The following CIT variants were observed in gnomAD, a reference collection of about 807,000 sequenced individuals.
The protein encoded by CIT is citron rho-interacting serine/threonine kinase.
A neutral mutation model predicts 272.7 loss-of-function variants in CIT; 79 were observed. That is an observed-to-expected ratio of 0.29 (90% CI 0.24 to 0.35). The LOEUF (loss-of-function observed/expected upper bound fraction) is 0.35. Among genes scored for constraint, CIT ranks in the 10% least tolerant of loss-of-function variants. The probability of loss-of-function intolerance (pLI) is 1.00; values close to 1 mark genes in which losing one functional copy is unlikely to be tolerated. For missense variants in CIT, 1,909 were observed against 2,618.3 expected (o/e 0.73, Z 5.91); for synonymous variants, 948 against 995.6 (o/e 0.95, Z 0.90).
chr12:119,707,881 A>G (rs891327622), intron 40 of CIT, among the ~76,000 whole-genome samples: 1 of 152,248 alleles, frequency 6.6e-6, no homozygotes, highest in Non-Finnish European at 1.5e-5. Context: ...GACAAGCGTC[A>G]GTCTTGTTAT....
intron 5 of CIT, among the ~76,000 whole-genome samples, chr12:119,840,429 TA>T (rs1969332378): frequency 6.6e-6 from 1 of 152,114 alleles, no homozygotes; most frequent in Non-Finnish European, 1.5e-5. Flanking sequence ...TTGTGGCTCC[TA>T]AAATGGTAGA....
In CIT at chr12:119,688,206, G is replaced by A. The variant is rs1195596820; in HGVS notation, c.*26C>T. ...TTGGTGTTTTCCTGCAGATCAAGAT[G>A]AGGAGTTGGTTTTTCTGGCTGAGAT... On this transcript the variant is annotated 3_prime_UTR_variant, in exon 48 of 48. Coordinates refer to ENST00000392521, the MANE Select transcript of CIT (RefSeq NM_001206999.2). The A allele has an allele frequency of 6.2e-7, 1 of 1,609,070 alleles. No homozygotes were observed. Among genetic ancestry groups the A allele is most frequent in the Non-Finnish European group, 8.5e-7 (1 of 1,175,440 alleles).
chr12:119,776,645 G>C (rs756122011), intron 14 of CIT, 27 bp downstream of exon 14: 3 of 1,582,328 alleles, frequency 1.9e-6, no homozygotes, highest in South Asian at 1.1e-5. Context: ...TACCCAAAAA[G>C]CACCCTCCTG....
At chr12:119,748,454 G>T (rs928450096) in intron 23 of CIT, among the ~76,000 whole-genome samples, 8 of 150,430 alleles carry the variant, frequency 5.3e-5, no homozygotes, top group Admixed American at 4.0e-4. Flanking sequence ...CCACCTTCTG[G>T]GATCCATGGT....
In CIT at chr12:119,697,912, G is replaced by T. The variant is rs278126; in HGVS notation, c.5702+64C>A. 445,685 of 1,612,242 alleles carry T rather than the reference G, an allele frequency of 0.28. 64,707 individuals carry two copies. The highest frequency in any genetic ancestry group is 0.32 in the Middle Eastern group (1,936 of 6,054). ...TGCTAGGCAAGTTAGGAAGGAACAT[G>T]CGGCCGGCCCCAACACCTACCCCAA... On this transcript the variant is annotated intron_variant, in intron 45 of 47. Transcript: ENST00000392521. The surrounding 1 kb of genome is among the most constrained non-coding windows in gnomAD (Gnocchi z 4.9).
chr12:119,823,037 T>C, intron 8 of CIT, 64 bp from the exon 9 acceptor site: 1 of 1,490,214 alleles, frequency 6.7e-7, no homozygotes, highest in Admixed American at 2.2e-5. Flanking sequence ...TGCTGCAAAG[T>C]GAAGAAAGTA....
chr12:119,829,346 G>GAAGAGAA (rs954505908), intron 7 of CIT, among the ~76,000 whole-genome samples: 2 of 44,128 alleles, frequency 4.5e-5, no homozygotes, highest in Non-Finnish European at 1.2e-4. Context: ...TGAAAGAAAA[G>GAAGAGAA]AAGAGAAGAG....
chr12:119,726,683 A>C (rs1389963433), intron 28 of CIT, among the ~76,000 whole-genome samples: 1 of 152,136 alleles, frequency 6.6e-6, no homozygotes, highest in Non-Finnish European at 1.5e-5. Context: ...AGGCTCACTA[A>C]GGGTTAAACA....
intron 5 of CIT, among the ~76,000 whole-genome samples, chr12:119,835,263 A>G (rs1261694733): frequency 6.6e-6 from 1 of 152,190 alleles, no homozygotes; most frequent in Non-Finnish European, 1.5e-5. Context: ...GCTGCCTTTC[A>G]GTTTCATCCT....
At position 119,704,101 on chromosome 12, in the gene CIT, G is replaced by A. The variant is rs76579904; in HGVS notation, c.5304+262C>T. On this transcript the variant is annotated intron_variant, in intron 41 of 47. Coordinates refer to ENST00000392521, the MANE Select transcript of CIT (RefSeq NM_001206999.2). ...CAACTTTCTGTTCTAACAAAAGGCT[G>A]AACTCACTGGGCTGGATGGGGAGGC... 0.013 allele frequency among the ~76,000 whole-genome samples: 1,991 copies of A among 152,120 alleles called. 46 individuals carry two copies. Among genetic ancestry groups the A allele is most frequent in the African/African-American group, 0.046 (1,911 of 41,480 alleles).
intron 2 of CIT, among the ~76,000 whole-genome samples, chr12:119,875,523 C>A (rs1054620010): frequency 3.3e-5 from 5 of 152,036 alleles, no homozygotes; most frequent in Non-Finnish European, 7.4e-5. Context: ...GCAAGAGGCT[C>A]ACTTGAAGTC....
chr12:119,706,041 G>A (rs1183284131), intron 40 of CIT, among the ~76,000 whole-genome samples: 2 of 149,314 alleles, frequency 1.3e-5, no homozygotes, highest in Admixed American at 1.3e-4. Context: ...AGTGAGCCAA[G>A]ATCGTGCCGC....
At position 119,836,233 on chromosome 12, in the gene CIT, G is replaced by A. The variant is rs548021254; in HGVS notation, c.517-2005C>T. 1.0e-3 allele frequency among the ~76,000 whole-genome samples: 141 copies of A among 137,174 alleles called. 1 individual carries two copies. The highest frequency in any genetic ancestry group is 1.5e-3 in the Non-Finnish European group (102 of 66,252). The allele number at this position is 137,174 out of a possible 152,430, so 90.0% of individuals were successfully genotyped here. ...ACCCGGGAGGCAGAGGTTGCAGTGAGCTGAGATCACACCACTGCACTCCAG... is the reference window on the plus strand; with the variant it reads ...ACCCGGGAGGCAGAGGTTGCAGTGAACTGAGATCACACCACTGCACTCCAG... On this transcript the variant is annotated intron_variant, in intron 5 of 47. Transcript: ENST00000392521.
intron 24 of CIT, among the ~76,000 whole-genome samples, chr12:119,736,289 T>C (rs1958748888): frequency 6.6e-6 from 1 of 152,258 alleles, no homozygotes; most frequent in South Asian, 2.1e-4. Flanking sequence ...CAGTTATTAA[T>C]TGTTTCCAAT....
At chr12:119,831,983 T>C (rs931233464) in intron 7 of CIT, among the ~76,000 whole-genome samples, 1 of 152,254 alleles carries the variant, frequency 6.6e-6, no homozygotes, top group South Asian at 2.1e-4. Flanking sequence ...TCTTAAATTA[T>C]GCATTTTCAC....
At position 119,716,378 on chromosome 12, in the gene CIT, C is replaced by CAAAAAAAAAAAA. The variant is rs35690078; in HGVS notation, c.4168+1855_4168+1866dup. 6.7e-4 allele frequency among the ~76,000 whole-genome samples: 12 copies of CAAAAAAAAAAAA among 17,804 alleles called. 3 individuals are homozygous for CAAAAAAAAAAAA. The highest frequency in any genetic ancestry group is 1.0e-3 in the African/African-American group (5 of 4,900). 11.7% of individuals were successfully genotyped at this position (17,804 alleles called of 152,430 possible). ...TGGGCGACAGAGCGAGACTCTGTCT[C>CAAAAAAAAAAAA]AAAAAAAAAAAAAAAAAAAAAAAAA... On this transcript the variant is annotated intron_variant, in intron 32 of 47. Transcript: ENST00000392521.
intron 14 of CIT, 106 bp downstream of exon 14, chr12:119,776,566 A>G (rs1963768925): frequency 8.3e-7 from 1 of 1,206,368 alleles, no homozygotes; most frequent in Admixed American, 2.2e-5. Context: ...GTATCCTACT[A>G]TTTCTCAAAC....
At chr12:119,745,448 T>C (rs1289467531) in intron 23 of CIT, among the ~76,000 whole-genome samples, 1 of 67,616 alleles carries the variant, frequency 1.5e-5, no homozygotes, top group Admixed American at 1.7e-4. Context: ...TCTTAAAAAA[T>C]GAAGGTAATA....
rs1441511963 is a variant in CIT, at chr12:119,757,274, G to A, written c.2706+97C>T. 4 of 1,451,144 alleles carry A rather than the reference G, an allele frequency of 2.8e-6. No individual in the cohort carries two copies. The African/African-American group carries it at 4.2e-5, about 15-fold the overall frequency. The allele number at this position is 1,451,144 out of a possible 1,614,324, so 89.9% of individuals were successfully genotyped here. A position where few individuals can be genotyped will look rare whatever the true frequency, so the allele number is the denominator to read the frequency against. The stretch of plus-strand genomic sequence containing the variant: ...TGCCCCCTTAACCACCAAGCACAAT[G>A]TCTCTTGTATAGATATTGATTTGTG... On this transcript the variant is annotated intron_variant, in intron 22 of 47. Transcript: ENST00000392521.
Sources: gnomAD v4.1 joint callset for allele counts (sites outside exome capture counted in the v4.1 genomes callset) on GRCh38, gnomAD v4.1.1 for gene constraint, Gnocchi (gnomAD v3.1) non-coding constraint, MANE v1.5 for transcripts, NCBI Gene and HGNC (gene_info 2026-07-23, HGNC 2026-07-21) for gene names.